The following PPP1R14C variants were observed in gnomAD, a reference collection of about 807,000 sequenced individuals.
PPP1R14C encodes protein phosphatase 1 regulatory inhibitor subunit 14C, also known as protein phosphatase 1 regulatory subunit 14C.
In PPP1R14C, 16 loss-of-function variants were observed where a neutral mutation model predicts 20.4. That is an observed-to-expected ratio of 0.78 (90% CI 0.53 to 1.19). The LOEUF is 1.19. Ranked by LOEUF, PPP1R14C falls within the 50% of genes most tolerant of loss-of-function variation. The pLI is 0.00. For missense variants in PPP1R14C, 211 were observed against 220.1 expected (o/e 0.96, Z 0.26); for synonymous variants, 91 against 91.0 (o/e 1.00, Z 0.00).
chr6:150,187,223 GC>G (rs1777686898), intron 1 of PPP1R14C, among the ~76,000 whole-genome samples: 1 of 149,836 alleles, frequency 6.7e-6, no homozygotes, highest in African/African-American at 2.5e-5. Flanking sequence ...CAGGTGATCT[GC>G]CCACCTTGGC....
chr6:150,217,630 T>C (rs1778111924), intron 3 of PPP1R14C, among the ~76,000 whole-genome samples: 1 of 152,246 alleles, frequency 6.6e-6, no homozygotes. Context: ...AAATGAGCAT[T>C]AATGTGATTA....
intron 1 of PPP1R14C, among the ~76,000 whole-genome samples, chr6:150,204,609 G>A (rs991127751): frequency 2.0e-5 from 3 of 152,190 alleles, no homozygotes; most frequent in Non-Finnish European, 4.4e-5. Flanking sequence ...GCATGATTGT[G>A]CCCGATTTCT....
intron 1 of PPP1R14C, among the ~76,000 whole-genome samples, chr6:150,184,316 C>A (rs796875961): frequency 2.6e-5 from 4 of 152,292 alleles, no homozygotes; most frequent in African/African-American, 9.6e-5. Context: ...GCGAGCCTAA[C>A]TTCCTTTGGA....
chr6:150,248,797 C>A lies in PPP1R14C; in HGVS notation c.475C>A (p.Pro159Thr). ...GATAAGAGGCATGAGGAAACTGAGC[C>A]CTCCGCAGAAGAAGAGTGTATGATT... Reference protein sequence around the residue: ...SRIRGMRKLSPPQKKSV With the variant: ...SRIRGMRKLSTPQKKSV Residue 159 changes from proline (P) to threonine (T), a missense_variant, in exon 4 of 4, where the codon CCT becomes ACT. Transcript: ENST00000361131. 2.5e-6 allele frequency: 4 copies of A among 1,612,688 alleles called. No individual in the cohort carries two copies. Among genetic ancestry groups the A allele is most frequent in the Non-Finnish European group, 3.4e-6 (4 of 1,178,828 alleles).
At chr6:150,192,268 C>G (rs1394805337) in intron 1 of PPP1R14C, among the ~76,000 whole-genome samples, 1 of 152,124 alleles carries the variant, frequency 6.6e-6, no homozygotes, top group East Asian at 1.9e-4. Flanking sequence ...GGTCCCCAAC[C>G]TTTTTGGCAT....
chr6:150,242,590 C>T (rs1488521008), intron 3 of PPP1R14C, among the ~76,000 whole-genome samples: 5 of 152,142 alleles, frequency 3.3e-5, no homozygotes, highest in Non-Finnish European at 7.3e-5. Context: ...CTGCAAAAAA[C>T]CTACAGGTAA....
chr6:150,171,724 G>T (rs746600739), intron 1 of PPP1R14C, among the ~76,000 whole-genome samples: 2 of 152,202 alleles, frequency 1.3e-5, no homozygotes, highest in Non-Finnish European at 2.9e-5. Context: ...TTTAAGTAGG[G>T]ATGAATTTAA....
intron 1 of PPP1R14C, among the ~76,000 whole-genome samples, chr6:150,196,908 A>G (rs1777811389): frequency 6.6e-6 from 1 of 152,230 alleles, no homozygotes; most frequent in Non-Finnish European, 1.5e-5. Context: ...TCTAAGCTAC[A>G]AAGCTGTTGT....
At chr6:150,190,677 G>T (rs116000746) in intron 1 of PPP1R14C, among the ~76,000 whole-genome samples, 1 of 151,920 alleles carries the variant, frequency 6.6e-6, no homozygotes, top group Non-Finnish European at 1.5e-5. Flanking sequence ...CACTCTCCTC[G>T]GCCTCTTAAA....
chr6:150,232,756 C>T (rs557130312), intron 3 of PPP1R14C, among the ~76,000 whole-genome samples: 3 of 152,188 alleles, frequency 2.0e-5, no homozygotes, highest in South Asian at 2.1e-4. Context: ...ATTTGTCTAC[C>T]CCTGCATTTT....
intron 3 of PPP1R14C, among the ~76,000 whole-genome samples, chr6:150,244,168 T>TAAAAA (rs10660961): frequency 1.8e-4 from 27 of 146,976 alleles, no homozygotes; most frequent in African/African-American, 6.7e-4. Flanking sequence ...ATAAAGCTGC[T>TAAAAA]AAAAAAAAAA....
At chr6:150,210,019 G>T (rs9479950) in intron 1 of PPP1R14C, among the ~76,000 whole-genome samples, 51,495 of 151,470 alleles carry the variant, frequency 0.34, 10,221 homozygotes, top group African/African-American at 0.55. Flanking sequence ...GTATATATTT[G>T]TGTGTGTGTG....
chr6:150,175,458 A>G (rs934767819), intron 1 of PPP1R14C, among the ~76,000 whole-genome samples: 3 of 152,188 alleles, frequency 2.0e-5, no homozygotes, highest in African/African-American at 4.8e-5. Context: ...TGTTTTTGGG[A>G]AAGTGAATCT....
At chr6:150,174,015 T>TCCCCCCCCCCC (rs571196400) in intron 1 of PPP1R14C, among the ~76,000 whole-genome samples, 1 of 92,730 alleles carries the variant, frequency 1.1e-5, no homozygotes, top group African/African-American at 4.3e-5. Context: ...CACCTCTCCC[T>TCCCCCCCCCCC]CCCCCCCACC....
intron 3 of PPP1R14C, among the ~76,000 whole-genome samples, chr6:150,227,335 C>T (rs1439317254): frequency 6.6e-6 from 1 of 152,114 alleles, no homozygotes; most frequent in African/African-American, 2.4e-5. Flanking sequence ...ACTTCTACAT[C>T]CATTTTTAAA....
At chr6:150,235,868 T>G (rs1778353687) in intron 3 of PPP1R14C, among the ~76,000 whole-genome samples, 1 of 152,130 alleles carries the variant, frequency 6.6e-6, no homozygotes, top group African/African-American at 2.4e-5. Flanking sequence ...CAGGGGAGAA[T>G]TTCCAGTCTA....
chr6:150,176,491 C>T (rs1355136989), intron 1 of PPP1R14C, among the ~76,000 whole-genome samples: 1 of 152,170 alleles, frequency 6.6e-6, no homozygotes, highest in Non-Finnish European at 1.5e-5. Context: ...CATCTTGTTG[C>T]TGTCTTACTT....
chr6:150,158,088 G>GAATTT (rs1777325040), intron 1 of PPP1R14C, among the ~76,000 whole-genome samples: 1 of 152,068 alleles, frequency 6.6e-6, no homozygotes, highest in Non-Finnish European at 1.5e-5. Context: ...ATCATACTTG[G>GAATTT]CTAACTTTAA....
Position 150,194,764 on chromosome 6 carries a change from C to T in PPP1R14C, c.307-19980C>T, listed in dbSNP as rs1041705219. On this transcript the variant is annotated intron_variant, in intron 1 of 3. Transcript: ENST00000361131. ...TATAATTTGTTGCATAGTTTAAGACCCTGTTTTGTTTGACCACTGCTTGGG... is the reference window on the plus strand; with the variant it reads ...TATAATTTGTTGCATAGTTTAAGACTCTGTTTTGTTTGACCACTGCTTGGG... The T allele has an allele frequency of 1.1e-5, 11 of 985,108 alleles. No homozygotes were observed. The African/African-American group carries it at 1.9e-4, about 17-fold the overall frequency. The allele number at this position is 985,108 out of a possible 1,614,324, so 61.0% of individuals were successfully genotyped here.
Sources: gnomAD v4.1 joint callset for allele counts (sites outside exome capture counted in the v4.1 genomes callset) on GRCh38, gnomAD v4.1.1 for gene constraint, MANE v1.5 for transcripts, NCBI Gene and HGNC (gene_info 2026-07-23, HGNC 2026-07-21) for gene names.